Variants in UTRN observed in about 807,000 individuals in gnomAD.
The protein encoded by UTRN is utrophin.
UTRN carries 283 observed loss-of-function variants against 463.9 expected under a neutral mutation model. That is an observed-to-expected ratio of 0.61 (90% CI 0.55 to 0.67). The LOEUF (loss-of-function observed/expected upper bound fraction) is 0.67. Ranked by LOEUF, UTRN falls within the 30% of genes least tolerant of loss-of-function variation. UTRN has a pLI of 0.00. For synonymous variants in UTRN, 1,442 were observed against 1,431.5 expected (o/e 1.01, Z -0.17); for missense variants, 3,922 against 4,084.3 (o/e 0.96, Z 1.08).
intron 53 of UTRN, among the ~76,000 whole-genome samples, chr6:144,714,517 T>G (rs1463275065): frequency 6.6e-6 from 1 of 152,218 alleles, no homozygotes; most frequent in Non-Finnish European, 1.5e-5. Flanking sequence ...GGCTCTGCTC[T>G]TACAAGGTTT....
chr6:144,678,977 T>A (rs1781938563), intron 52 of UTRN, among the ~76,000 whole-genome samples: 2 of 151,944 alleles, frequency 1.3e-5, no homozygotes, highest in Non-Finnish European at 2.9e-5. Context: ...GAAACAGAGG[T>A]TTAATGAATA....
At chr6:144,709,904 C>T (rs1421233906) in intron 53 of UTRN, among the ~76,000 whole-genome samples, 2 of 152,144 alleles carry the variant, frequency 1.3e-5, no homozygotes, top group African/African-American at 4.8e-5. Flanking sequence ...TTAATGACTC[C>T]TTTTCAAAGT....
chr6:144,373,431 C>G (rs1462136802), intron 2 of UTRN, among the ~76,000 whole-genome samples: 2 of 152,236 alleles, frequency 1.3e-5, no homozygotes, highest in African/African-American at 4.8e-5. Context: ...GGTGACATAT[C>G]CTATGATTCC....
At chr6:144,413,381 A>G (rs556163912) in intron 3 of UTRN, among the ~76,000 whole-genome samples, 1 of 152,126 alleles carries the variant, frequency 6.6e-6, no homozygotes, top group Non-Finnish European at 1.5e-5. Context: ...GGTTTAATTG[A>G]CCCACAGTTC....
intron 2 of UTRN, among the ~76,000 whole-genome samples, chr6:144,327,788 A>T (rs1386089814): frequency 6.6e-6 from 1 of 151,948 alleles, no homozygotes; most frequent in African/African-American, 2.4e-5. Flanking sequence ...ACTAAAAATA[A>T]CAAAAATTAG....
intron 54 of UTRN, among the ~76,000 whole-genome samples, chr6:144,742,852 A>G (rs1039441175): frequency 6.6e-6 from 1 of 152,158 alleles, no homozygotes; most frequent in African/African-American, 2.4e-5. Context: ...TCTTTACTTG[A>G]TTGTTTTAAT....
At chr6:144,596,956 T>C (rs1803709825) in intron 51 of UTRN, among the ~76,000 whole-genome samples, 1 of 152,154 alleles carries the variant, frequency 6.6e-6, no homozygotes. Context: ...AAAAGTGCCT[T>C]GGCTAGGCAC....
chr6:144,317,349 C>A (rs1225949187), intron 2 of UTRN, among the ~76,000 whole-genome samples: 1 of 152,162 alleles, frequency 6.6e-6, no homozygotes, highest in Non-Finnish European at 1.5e-5. Context: ...AGTTCGCCAA[C>A]GATTTGCCTT....
chr6:144,777,847 A>C (rs768527161), intron 60 of UTRN, among the ~76,000 whole-genome samples: 1 of 152,206 alleles, frequency 6.6e-6, no homozygotes, highest in Non-Finnish European at 1.5e-5. Context: ...TAAGGTGTAG[A>C]TGGTGTTCAA....
chr6:144,602,283 C>T (rs1024489249), intron 51 of UTRN, among the ~76,000 whole-genome samples: 3 of 151,950 alleles, frequency 2.0e-5, no homozygotes, highest in Non-Finnish European at 1.5e-5. Context: ...AGGCACGCAC[C>T]ACCAGTCCCG....
At chr6:144,301,266 A>G (rs1805220464) in intron 2 of UTRN, among the ~76,000 whole-genome samples, 1 of 152,234 alleles carries the variant, frequency 6.6e-6, no homozygotes, top group African/African-American at 2.4e-5. Flanking sequence ...TAGTTTGTAT[A>G]GAAAAATCAG....
intron 51 of UTRN, among the ~76,000 whole-genome samples, chr6:144,622,145 G>A (rs1220692820): frequency 7.8e-6 from 1 of 127,532 alleles, no homozygotes; most frequent in South Asian, 2.6e-4. Flanking sequence ...TTGAATGAGT[G>A]TTTTATCTTA....
chr6:144,820,903 C>A lies in UTRN; in HGVS notation c.9379C>A (p.Arg3127=). 1 of 1,613,564 alleles carries A rather than the reference C, an allele frequency of 6.2e-7. No individual in the cohort carries two copies. The highest frequency in any genetic ancestry group is 2.2e-5 in the East Asian group (1 of 44,810). ...CIPTTSGEDV[R]DFTKVLKNKF... ...ATAGACAACATCTGGGGAAGATGTACGAGACTTCACAAAGGTACTTAAGAA... is the reference window on the plus strand; with the variant it reads ...ATAGACAACATCTGGGGAAGATGTAAGAGACTTCACAAAGGTACTTAAGAA... Residue 3127 remains arginine (R), a synonymous_variant, in exon 66 of 75, where the codon CGA becomes AGA. Coordinates refer to ENST00000367545, the MANE Select transcript of UTRN (RefSeq NM_007124.3).
intron 9 of UTRN, among the ~76,000 whole-genome samples, chr6:144,431,123 G>A (rs1387879288): frequency 6.6e-6 from 1 of 152,074 alleles, no homozygotes; most frequent in Non-Finnish European, 1.5e-5. Context: ...TTTTTAGTTG[G>A]CTCAGATGAT....
intron 9 of UTRN, among the ~76,000 whole-genome samples, chr6:144,432,602 TAGC>T (rs1785973922): frequency 1.3e-5 from 2 of 152,074 alleles, no homozygotes; most frequent in Non-Finnish European, 2.9e-5. Flanking sequence ...AGACACTTGT[TAGC>T]AGGTATTCCA....
At chr6:144,779,553 G>T (rs576056231) in intron 60 of UTRN, among the ~76,000 whole-genome samples, 1 of 152,258 alleles carries the variant, frequency 6.6e-6, no homozygotes, top group African/African-American at 2.4e-5. Context: ...CTTCATCCTT[G>T]TTGACTTCAT....
intron 2 of UTRN, among the ~76,000 whole-genome samples, chr6:144,340,082 G>T (rs1220498736): frequency 2.6e-5 from 4 of 152,198 alleles, no homozygotes; most frequent in Admixed American, 6.5e-5. Context: ...CAGGTGAATT[G>T]CTGGAATCTG....
chr6:144,471,555 C>G (rs1790662771), intron 23 of UTRN, among the ~76,000 whole-genome samples: 1 of 152,206 alleles, frequency 6.6e-6, no homozygotes. Flanking sequence ...CACTTTCTCT[C>G]TTTTTGCACT....
intron 2 of UTRN, among the ~76,000 whole-genome samples, chr6:144,322,009 C>T (rs747467568): frequency 2.4e-4 from 36 of 152,162 alleles, no homozygotes; most frequent in Non-Finnish European, 4.1e-4. Context: ...AGCGATCCAC[C>T]CGCCTCGGCC....
Sources: allele counts gnomAD v4.1 joint callset (sites outside exome capture counted in the v4.1 genomes callset), GRCh38; gene constraint gnomAD v4.1.1; transcripts MANE v1.5; gene names NCBI Gene and HGNC (gene_info 2026-07-23, HGNC 2026-07-21).